CEP104: variants seen among roughly 807,000 people sequenced by gnomAD.
CEP104 encodes the protein centrosomal protein of 104 kDa.
Under a neutral mutation model 113.3 loss-of-function variants are expected in CEP104, and 84 were observed. The ratio of observed to expected loss-of-function variants is 0.74; its 90% confidence interval spans 0.62 to 0.89. The LOEUF (loss-of-function observed/expected upper bound fraction) is 0.89, where lower values mean the gene tolerates loss of function less well. CEP104 is among the 40% of genes least tolerant of loss of function. CEP104 has a pLI of 0.00. For missense variants in CEP104, 1,053 were observed against 1,156.6 expected (o/e 0.91, Z 1.30); for synonymous variants, 378 against 421.7 (o/e 0.90, Z 1.27).
At chr1:3,840,304 T>A (rs1644390170) in intron 6 of CEP104, among the ~76,000 whole-genome samples, 1 of 152,146 alleles carries the variant, frequency 6.6e-6, no homozygotes, top group South Asian at 2.1e-4. Flanking sequence ...TGGCGCAATC[T>A]CGGCTCACTG....
chr1:3,829,943 G>C lies in CEP104; in HGVS notation c.1891C>G (p.Arg631Gly). 1.9e-6 allele frequency: 3 copies of C among 1,614,136 alleles called. No homozygotes were observed. Among genetic ancestry groups the C allele is most frequent in the Non-Finnish European group, 2.5e-6 (3 of 1,180,034 alleles). ...TGTCTGTACATGTCCAAAATAATTCGAACCGCCGTCTCGCGGACCTCATAC... is the reference window on the plus strand; with the variant it reads ...TGTCTGTACATGTCCAAAATAATTCCAACCGCCGTCTCGCGGACCTCATAC... Reference protein sequence around the residue: ...RVYEVRETAVRIILDMYRQHQ... With the variant: ...RVYEVRETAVGIILDMYRQHQ... Residue 631 changes from arginine (R) to glycine (G), a missense_variant, in exon 14 of 22, where the codon CGA (arginine) becomes GGA (glycine). By Grantham distance (125) the Arg-to-Gly change is moderately radical. Transcript: ENST00000378230.
At position 3,815,406 on chromosome 1, in the gene CEP104, C is replaced by T. The variant is rs184182963; in HGVS notation, c.2774G>A (p.Arg925His). The change falls in exon 22 of 22, where the codon CGC (arginine) becomes CAC (histidine). Residue 925 changes from arginine to histidine, a missense_variant. Transcript: ENST00000378230. ...CCAAGGAGCCCGAGCGCCGCGTCAGCGCTTGGCGTACGTCCTGCTGGAGCT... is the reference window on the plus strand; with the variant it reads ...CCAAGGAGCCCGAGCGCCGCGTCAGTGCTTGGCGTACGTCCTGCTGGAGCT... ...SKSSSRTYAK[R>H] 1.1e-5 allele frequency: 17 copies of T among 1,609,380 alleles called. No homozygotes were observed. In the East Asian group the frequency reaches 1.1e-4, roughly 11 times the overall value.
chr1:3,849,879 G>C (rs1644579218), intron 2 of CEP104, among the ~76,000 whole-genome samples: 1 of 151,536 alleles, frequency 6.6e-6, no homozygotes, highest in Non-Finnish European at 1.5e-5. Context: ...CAAGACAACC[G>C]GCAAAGCTTT....
rs144805659 is a variant in CEP104, at chr1:3,826,714, T to C, written c.2182A>G (p.Asn728Asp). 387 of 1,614,022 alleles carry C rather than the reference T, an allele frequency of 2.4e-4. 2 individuals carry two copies. The Middle Eastern group carries it at 3.0e-3, about 12-fold the overall frequency. ...ACCCCAATTCTTTACATACCCTGAT[T>C]CTTTGGCTTCACAGCATCACTTTCT... ...EKESDAVKPK[N>D]QDIQGGKAAP... Residue 728 changes from asparagine to aspartate, a missense_variant, in exon 16 of 22, where the codon AAT becomes GAT. Transcript: ENST00000378230.
intron 13 of CEP104, 101 bp downstream of exon 13, chr1:3,830,945 T>C (rs909318488): frequency 1.5e-5 from 19 of 1,231,972 alleles, no homozygotes; most frequent in Middle Eastern, 5.9e-4. Context: ...AATCACTGCC[T>C]CAGTCATTCC....
At chr1:3,841,687 C>T (rs891410944) in intron 6 of CEP104, among the ~76,000 whole-genome samples, 1 of 152,232 alleles carries the variant, frequency 6.6e-6, no homozygotes, top group Non-Finnish European at 1.5e-5. Context: ...GCCAGTCACA[C>T]AGCTTTTCCC....
chr1:3,831,241 T>C lies in CEP104; in HGVS notation c.1660-19A>G. On this transcript the variant is annotated intron_variant, in intron 12 of 21. Coordinates refer to ENST00000378230, the MANE Select transcript of CEP104 (RefSeq NM_014704.4). ...CCATTTCCTATGAAAGCCAAGGTAA[T>C]TTGTTAATTTTTACTGGAAAATGCT... is the stretch of plus-strand genomic sequence containing the variant. The C allele has an allele frequency of 6.2e-7, 1 of 1,602,920 alleles. No homozygotes were observed. Among genetic ancestry groups the C allele is most frequent in the South Asian group, 1.1e-5 (1 of 90,740 alleles).
intron 15 of CEP104, among the ~76,000 whole-genome samples, chr1:3,828,790 G>T (rs889062471): frequency 6.6e-6 from 1 of 152,114 alleles, no homozygotes; most frequent in Admixed American, 6.5e-5. Flanking sequence ...GGCTGAAGAG[G>T]AACACATTTA....
intron 2 of CEP104, among the ~76,000 whole-genome samples, chr1:3,849,567 G>C (rs1226445548): frequency 1.3e-5 from 2 of 152,170 alleles, no homozygotes; most frequent in African/African-American, 4.8e-5. Context: ...CTAAGAGTTG[G>C]GTAGAGAATC....
chr1:3,855,915 G>C (rs1464552284), intron 1 of CEP104: 2 of 985,268 alleles, frequency 2.0e-6, no homozygotes, highest in Non-Finnish European at 2.4e-6. Flanking sequence ...GGCAGCCATC[G>C]ACATCCCGAC....
At position 3,839,093 on chromosome 1, in the gene CEP104, C is replaced by T. The variant is rs771501477; in HGVS notation, c.762G>A (p.Glu254=). 1.2e-6 allele frequency: 2 copies of T among 1,613,914 alleles called. No individual in the cohort carries two copies. Among genetic ancestry groups the T allele is most frequent in the South Asian group, 2.2e-5 (2 of 91,070 alleles). The change falls in exon 8 of 22, where the codon GAG becomes GAA. Residue 254 remains glutamate (E), a synonymous_variant. Coordinates refer to ENST00000378230, the MANE Select transcript of CEP104 (RefSeq NM_014704.4). ...QKVGERLGRY[E]VEKRCAVEKE... is the part of the protein sequence containing the mutation. Reference sequence around the variant, plus strand: ...TCTCCACGGCACAGCGTTTCTCTACCTCATACCTCCCAAGGCGTTCACCAA... The same window carrying T: ...TCTCCACGGCACAGCGTTTCTCTACTTCATACCTCCCAAGGCGTTCACCAA...
intron 8 of CEP104, 128 bp downstream of exon 8, chr1:3,838,836 C>T (rs1644361771): frequency 2.0e-6 from 2 of 994,022 alleles, no homozygotes. Context: ...CCATCCATAA[C>T]TGTCCCCTGA....
intron 21 of CEP104, among the ~76,000 whole-genome samples, chr1:3,815,748 G>A (rs1346708024): frequency 6.6e-6 from 1 of 151,892 alleles, no homozygotes; most frequent in East Asian, 1.9e-4. Context: ...GAGGGCAGTG[G>A]CGCAATATTG....
chr1:3,838,461 G>A (rs1300670931), intron 8 of CEP104, among the ~76,000 whole-genome samples: 1 of 152,170 alleles, frequency 6.6e-6, no homozygotes, highest in Non-Finnish European at 1.5e-5. Context: ...TTGAGAGTGT[G>A]CACTCTCAAT....
intron 21 of CEP104, among the ~76,000 whole-genome samples, chr1:3,815,809 C>T (rs1335564729): frequency 6.6e-6 from 1 of 152,144 alleles, no homozygotes; most frequent in East Asian, 1.9e-4. Context: ...CTGCTTCAGC[C>T]TCCTGAGTAG....
rs901922499 is a variant in CEP104 at position 3,814,256 on chromosome 1, G to A, written c.*1146C>T. ...CCCTGGGAGCACAGGCTGGGGCAGC[G>A]AGAGGGTGGATGCTTCCAGACAGAC... On this transcript the variant is annotated 3_prime_UTR_variant, in exon 22 of 22. Coordinates refer to ENST00000378230, the MANE Select transcript of CEP104 (RefSeq NM_014704.4). 5 of 152,210 alleles carry A rather than the reference G, an allele frequency of 3.3e-5. No individual in the cohort carries two copies. Among genetic ancestry groups the A allele is most frequent in the African/African-American group, 1.2e-4 (5 of 41,440 alleles). The allele number at this position is 152,210 out of a possible 1,614,324, so 9.4% of individuals were successfully genotyped here. A position where few individuals can be genotyped will look rare whatever the true frequency, so the allele number is the denominator to read the frequency against.
intron 17 of CEP104, 47 bp from the exon 18 acceptor site, chr1:3,825,913 C>T (rs1374837176): frequency 7.7e-7 from 1 of 1,298,700 alleles, no homozygotes; most frequent in Non-Finnish European, 1.1e-6. Context: ...TCTAGTTCCA[C>T]TGATGGCCGT....
chr1:3,839,697 T>A lies in CEP104; in HGVS notation c.646A>T (p.Lys216Ter). The A allele has an allele frequency of 6.2e-7, 1 of 1,614,140 alleles. No homozygotes were observed. The highest frequency in any genetic ancestry group is 1.1e-5 in the South Asian group (1 of 91,082). Residue 216 changes from lysine to a stop codon, truncating the protein, a stop_gained, in exon 7 of 22, where the codon AAA becomes TAA. Transcript: ENST00000378230. LOFTEE classifies it high-confidence loss of function. ...QDPEVAQIIR[K>*]LDERKREAVQ... ...GCTTCCCGTTTTCTTTCATCTAATT[T>A]TCGTATGATCTGTGCAACTTCTGGA...
At chr1:3,853,171 A>G (rs557730084) in intron 1 of CEP104, among the ~76,000 whole-genome samples, 17 of 152,368 alleles carry the variant, frequency 1.1e-4, no homozygotes, top group African/African-American at 4.1e-4. Context: ...GGAAAAAGGC[A>G]ACGTAAGCGC....
Sources: allele counts gnomAD v4.1 joint callset (sites outside exome capture counted in the v4.1 genomes callset), GRCh38; gene constraint gnomAD v4.1.1; transcripts MANE v1.5; gene names NCBI Gene and HGNC (gene_info 2026-07-23, HGNC 2026-07-21).